The following CTNNA3 variants were observed in gnomAD, a reference collection of about 807,000 sequenced individuals.
CTNNA3 encodes catenin alpha-3.
In CTNNA3, 76 loss-of-function variants were observed where a neutral mutation model predicts 95.7. The ratio of observed to expected loss-of-function variants is 0.79; its 90% CI spans 0.66 to 0.96. CTNNA3 has a LOEUF of 0.96. Ranked by LOEUF, CTNNA3 falls within the 40% of genes least tolerant of loss-of-function variation. The pLI is 0.00. For missense variants in CTNNA3, 1,191 were observed against 1,089.8 expected, an observed-to-expected ratio of 1.09 and a Z score of -1.31; for synonymous variants, 431 against 374.4, an observed-to-expected ratio of 1.15 and a Z score of -1.74.
At chr10:66,004,772 T>C (rs1255771652) in intron 15 of CTNNA3, among the ~76,000 whole-genome samples, 1 of 152,244 alleles carries the variant, frequency 6.6e-6, no homozygotes, top group Non-Finnish European at 1.5e-5. Flanking sequence ...GGTAGTTGAA[T>C]GCATTTTAAT....
intron 13 of CTNNA3, among the ~76,000 whole-genome samples, chr10:66,164,418 A>T (rs1349248984): frequency 6.6e-6 from 1 of 152,160 alleles, no homozygotes; most frequent in Non-Finnish European, 1.5e-5. Flanking sequence ...ATAGATTGCC[A>T]AAGTGTCCTG....
At chr10:66,745,086 C>T (rs1292293731) in intron 9 of CTNNA3, among the ~76,000 whole-genome samples, 1 of 152,170 alleles carries the variant, frequency 6.6e-6, no homozygotes, top group Non-Finnish European at 1.5e-5. Context: ...GCCAGCTCCA[C>T]CCCCAGCGCT....
At chr10:66,755,634 T>C (rs546241612) in intron 9 of CTNNA3, among the ~76,000 whole-genome samples, 1 of 152,236 alleles carries the variant, frequency 6.6e-6, no homozygotes, top group South Asian at 2.1e-4. Context: ...TTAGTGGGAA[T>C]GCATGTGCCA....
At chr10:66,664,132 C>T (rs1846359029) in intron 9 of CTNNA3, among the ~76,000 whole-genome samples, 1 of 151,856 alleles carries the variant, frequency 6.6e-6, no homozygotes, top group Non-Finnish European at 1.5e-5. Flanking sequence ...AAAGGTTAAT[C>T]TTTTATACAA....
At chr10:66,160,250 T>A (rs909236429) in intron 13 of CTNNA3, among the ~76,000 whole-genome samples, 3 of 152,042 alleles carry the variant, frequency 2.0e-5, no homozygotes, top group East Asian at 3.9e-4. Flanking sequence ...GTTTCTCTAG[T>A]TCCTTGAGGT....
intron 7 of CTNNA3, among the ~76,000 whole-genome samples, chr10:67,113,067 A>C (rs1858993839): frequency 6.6e-6 from 1 of 152,140 alleles, no homozygotes; most frequent in Non-Finnish European, 1.5e-5. Flanking sequence ...TAAGACTCCC[A>C]TGGAGTGTCC....
intron 7 of CTNNA3, among the ~76,000 whole-genome samples, chr10:66,972,397 C>A (rs546012157): frequency 6.6e-6 from 1 of 152,246 alleles, no homozygotes; most frequent in South Asian, 2.1e-4. Flanking sequence ...CTCAAGCAGT[C>A]CTCCTGCCTC....
chr10:67,263,992 T>C (rs1306093103), intron 5 of CTNNA3, among the ~76,000 whole-genome samples: 2 of 152,174 alleles, frequency 1.3e-5, no homozygotes, highest in East Asian at 3.9e-4. Context: ...TTTACTGTTG[T>C]GTGTGTATCT....
intron 7 of CTNNA3, among the ~76,000 whole-genome samples, chr10:67,103,769 T>TTTATTCTGTATTCAGAATAAATTC (rs1271052596): frequency 1.3e-5 from 2 of 151,728 alleles, no homozygotes; most frequent in East Asian, 3.9e-4. Flanking sequence ...TACAGAATTA[T>TTTATTCTGTATTCAGAATAAATTC]TTATTCTGTA....
chr10:66,611,469 G>A (rs1485918440), intron 10 of CTNNA3, among the ~76,000 whole-genome samples: 3 of 152,018 alleles, frequency 2.0e-5, no homozygotes, highest in Non-Finnish European at 4.4e-5. Flanking sequence ...TAAAAAGAAT[G>A]GTAGGACTTT....
At chr10:67,292,364 G>T (rs1839871409) in intron 5 of CTNNA3, among the ~76,000 whole-genome samples, 1 of 152,108 alleles carries the variant, frequency 6.6e-6, no homozygotes, top group African/African-American at 2.4e-5. Flanking sequence ...GAAAGTCAAA[G>T]AAGCTTTCAC....
intron 7 of CTNNA3, among the ~76,000 whole-genome samples, chr10:66,896,459 T>G (rs1415240243): frequency 1.3e-5 from 2 of 152,182 alleles, no homozygotes; most frequent in African/African-American, 4.8e-5. Context: ...TAATGATATT[T>G]TATTAAAGGC....
At chr10:67,077,615 G>C (rs944103524) in intron 7 of CTNNA3, among the ~76,000 whole-genome samples, 4 of 152,090 alleles carry the variant, frequency 2.6e-5, no homozygotes, top group African/African-American at 9.7e-5. Context: ...AATCTTCTAT[G>C]ATGCAACTCC....
rs1051052339 is a variant in CTNNA3, at chr10:66,433,394, G to C, written c.1532-54042C>G. 2.6e-5 allele frequency among the ~76,000 whole-genome samples: 4 copies of C among 152,182 alleles called. No homozygotes were observed. In the South Asian group the frequency reaches 8.3e-4, roughly 32 times the overall value. On this transcript the variant is annotated intron_variant, in intron 11 of 17. Transcript: ENST00000433211. ...TGGGTTTGATTTGCATTTCTCTAAT[G>C]ATCAGTGATAACAAGCTTTTTTTCA...
intron 13 of CTNNA3, among the ~76,000 whole-genome samples, chr10:66,110,889 A>T (rs964151713): frequency 1.3e-5 from 2 of 152,178 alleles, no homozygotes; most frequent in Non-Finnish European, 2.9e-5. Flanking sequence ...GTATGGTATA[A>T]CCCATTGCTC....
At chr10:66,064,554 C>T (rs1020547215) in intron 15 of CTNNA3, among the ~76,000 whole-genome samples, 2 of 151,976 alleles carry the variant, frequency 1.3e-5, no homozygotes, top group Non-Finnish European at 2.9e-5. Flanking sequence ...TTAAATAAGA[C>T]CCCCCAGGGA....
intron 15 of CTNNA3, among the ~76,000 whole-genome samples, chr10:66,011,029 TG>T (rs1448059989): frequency 2.0e-5 from 3 of 152,198 alleles, no homozygotes; most frequent in African/African-American, 7.2e-5. Context: ...CCCATTTCCA[TG>T]GGATGACACC....
chr10:66,374,530 C>T (rs1468488708), intron 12 of CTNNA3, among the ~76,000 whole-genome samples: 1 of 151,236 alleles, frequency 6.6e-6, no homozygotes, highest in Non-Finnish European at 1.5e-5. Flanking sequence ...AATGGTAGGC[C>T]CTGGGAGAGA....
chr10:66,842,520 G>A (rs1843102655), intron 7 of CTNNA3, among the ~76,000 whole-genome samples: 1 of 152,086 alleles, frequency 6.6e-6, no homozygotes, highest in Non-Finnish European at 1.5e-5. Flanking sequence ...AATCTAAACT[G>A]GTCAGTGTGG....
Sources: allele counts gnomAD v4.1 joint callset (sites outside exome capture counted in the v4.1 genomes callset), GRCh38; gene constraint gnomAD v4.1.1; transcripts MANE v1.5; gene names NCBI Gene and HGNC (gene_info 2026-07-23, HGNC 2026-07-21).